The following AP3S1 variants were observed in gnomAD, a reference collection of about 807,000 sequenced individuals.
AP3S1 encodes adaptor related protein complex 3 subunit sigma 1.
Under a neutral mutation model 21.3 loss-of-function variants are expected in AP3S1, and 12 were observed. The ratio of observed to expected loss-of-function variants is 0.56; its 90% confidence interval spans 0.36 to 0.91. AP3S1 has a LOEUF of 0.91. Ranked by LOEUF, AP3S1 falls within the 40% of genes least tolerant of loss-of-function variation. AP3S1 has a pLI of 0.01. For synonymous variants in AP3S1, 48 were observed against 78.4 expected, an observed-to-expected ratio of 0.61 and a Z score of 2.05; for missense variants, 116 against 225.0, an observed-to-expected ratio of 0.52 and a Z score of 3.10.
At chr5:115,902,169 T>A (rs189801802) in intron 4 of AP3S1, among the ~76,000 whole-genome samples, 282 of 152,270 alleles carry the variant, frequency 1.9e-3, no homozygotes, top group African/African-American at 4.7e-3. Flanking sequence ...CACATTATTT[T>A]AAAAAAATTA....
intron 1 of AP3S1, 66 bp downstream of exon 1, chr5:115,842,172 G>A: frequency 1.3e-6 from 2 of 1,511,060 alleles, no homozygotes; most frequent in Admixed American, 4.3e-5. Flanking sequence ...CGCCCAGCGC[G>A]GCTTTCTCAG....
chr5:115,856,207 G>A (rs1365602573), intron 1 of AP3S1, among the ~76,000 whole-genome samples: 1 of 152,076 alleles, frequency 6.6e-6, no homozygotes, highest in Non-Finnish European at 1.5e-5. Context: ...AAGCTGCTAA[G>A]TTAAATAAGG....
chr5:115,846,365 G>A (rs1225893056), intron 1 of AP3S1, among the ~76,000 whole-genome samples: 2 of 152,054 alleles, frequency 1.3e-5, no homozygotes, highest in African/African-American at 4.8e-5. Context: ...TATCTTAGTT[G>A]TTTCTTCAGA....
chr5:115,864,939 G>A (rs1763497951), intron 1 of AP3S1, among the ~76,000 whole-genome samples: 1 of 152,170 alleles, frequency 6.6e-6, no homozygotes, highest in African/African-American at 2.4e-5. Context: ...TTAATGACAT[G>A]GACCCTTCTG....
At chr5:115,902,839 T>C in intron 4 of AP3S1, 46 bp from the exon 5 acceptor site, 1 of 1,347,548 alleles carries the variant, frequency 7.4e-7, no homozygotes, top group Non-Finnish European at 1.0e-6. Flanking sequence ...GAAACTTCTT[T>C]TTAGTGAATT....
chr5:115,847,444 C>T (rs1762144209), intron 1 of AP3S1, among the ~76,000 whole-genome samples: 1 of 152,120 alleles, frequency 6.6e-6, no homozygotes, highest in Non-Finnish European at 1.5e-5. Context: ...GTGGCAAAAC[C>T]CTGTCTCTAT....
At chr5:115,900,470 T>C (rs1057498360) in intron 4 of AP3S1, among the ~76,000 whole-genome samples, 1 of 152,204 alleles carries the variant, frequency 6.6e-6, no homozygotes, top group Non-Finnish European at 1.5e-5. Context: ...AGCTAGATGT[T>C]CTAAACTCAT....
intron 5 of AP3S1, among the ~76,000 whole-genome samples, chr5:115,912,994 G>C (rs551451217): frequency 6.6e-6 from 1 of 152,008 alleles, no homozygotes. Flanking sequence ...TATCACAATC[G>C]TTGCAAGAGA....
At chr5:115,908,639 A>G (rs1286262506) in intron 5 of AP3S1, among the ~76,000 whole-genome samples, 1 of 152,172 alleles carries the variant, frequency 6.6e-6, no homozygotes, top group Non-Finnish European at 1.5e-5. Context: ...AATCCGTACA[A>G]AATGACTAAT....
intron 3 of AP3S1, among the ~76,000 whole-genome samples, chr5:115,876,063 T>A (rs2112856602): frequency 6.6e-6 from 1 of 152,264 alleles, no homozygotes; most frequent in East Asian, 1.9e-4. Context: ...GTTTAGAGTG[T>A]CAGGGTGTTA....
intron 1 of AP3S1, among the ~76,000 whole-genome samples, chr5:115,861,965 G>C (rs935467570): frequency 6.8e-6 from 1 of 146,856 alleles, no homozygotes; most frequent in Non-Finnish European, 1.5e-5. Context: ...CTCCCAAAGT[G>C]CTGAGATTAT....
At chr5:115,896,568 C>T (rs1247444388) in intron 4 of AP3S1, among the ~76,000 whole-genome samples, 1 of 152,080 alleles carries the variant, frequency 6.6e-6, no homozygotes, top group Non-Finnish European at 1.5e-5. Context: ...TGCTTGAGCC[C>T]AGGAGTTTGA....
intron 1 of AP3S1, among the ~76,000 whole-genome samples, chr5:115,859,236 G>A (rs1291443805): frequency 1.3e-5 from 2 of 152,196 alleles, no homozygotes; most frequent in South Asian, 2.1e-4. Flanking sequence ...TCCCCAAATC[G>A]TCATGACTTA....
intron 1 of AP3S1, among the ~76,000 whole-genome samples, chr5:115,854,760 C>G (rs1762678462): frequency 6.6e-6 from 1 of 151,090 alleles, no homozygotes; most frequent in South Asian, 2.1e-4. Context: ...CCACATTTTA[C>G]TTCTGCCCTT....
chr5:115,907,666 A>G (rs887028340), intron 5 of AP3S1, among the ~76,000 whole-genome samples: 1 of 152,176 alleles, frequency 6.6e-6, no homozygotes, highest in Non-Finnish European at 1.5e-5. Context: ...TTAATGTTTT[A>G]GTATTGAATT....
intron 3 of AP3S1, 25 bp downstream of exon 3, chr5:115,870,153 A>G: frequency 9.0e-7 from 1 of 1,108,900 alleles, no homozygotes; most frequent in Non-Finnish European, 1.3e-6. Context: ...GCTTCTTACT[A>G]TCTTAAATAA....
intron 1 of AP3S1, among the ~76,000 whole-genome samples, chr5:115,846,521 A>G (rs1204755899): frequency 6.6e-6 from 1 of 151,538 alleles, no homozygotes; most frequent in Non-Finnish European, 1.5e-5. Flanking sequence ...ACCAAATGCA[A>G]GCCTTAGGAG....
chr5:115,882,112 A>G (rs936604290), intron 3 of AP3S1, among the ~76,000 whole-genome samples: 4 of 151,876 alleles, frequency 2.6e-5, no homozygotes, highest in African/African-American at 7.3e-5. Context: ...ACCTTTTATC[A>G]AGGCTCTTAG....
intron 3 of AP3S1, among the ~76,000 whole-genome samples, chr5:115,892,074 A>T (rs995480505): frequency 6.6e-6 from 1 of 152,260 alleles, no homozygotes; most frequent in Non-Finnish European, 1.5e-5. Flanking sequence ...GTTCAACATC[A>T]TTGATCATCA....
Sources: gnomAD v4.1 joint callset for allele counts (sites outside exome capture counted in the v4.1 genomes callset) on GRCh38, gnomAD v4.1.1 for gene constraint, MANE v1.5 for transcripts, NCBI Gene and HGNC (gene_info 2026-07-23, HGNC 2026-07-21) for gene names.